Variants in PHF24 observed in about 807,000 individuals in gnomAD.
The protein encoded by PHF24 is PHD finger protein 24.
A neutral mutation model predicts 42.6 loss-of-function variants in PHF24; 25 were observed. The ratio of observed to expected loss-of-function variants is 0.59; its 90% confidence interval spans 0.43 to 0.82. The LOEUF is 0.82. Among genes scored for constraint, PHF24 ranks in the 40% least tolerant of loss-of-function variants. The pLI is 0.00. For missense variants in PHF24, 470 were observed against 538.1 expected, an observed-to-expected ratio of 0.87 and a Z score of 1.25; for synonymous variants, 185 against 204.8, an observed-to-expected ratio of 0.90 and a Z score of 0.83.
At chr9:34,970,675 G>T (rs2132896325) in intron 1 of PHF24, among the ~76,000 whole-genome samples, 1 of 152,304 alleles carries the variant, frequency 6.6e-6, no homozygotes. Flanking sequence ...CTGCCAGCTT[G>T]CTTTAAGCCT....
the PHF24 span, among the ~76,000 whole-genome samples, chr9:34,748,840 C>A: frequency 6.6e-6 from 1 of 151,944 alleles, no homozygotes; most frequent in African/African-American, 2.4e-5. Context: ...GAAAACATGA[C>A]CTCACCAAAT....
the PHF24 span, chr9:34,724,241 C>G: frequency 6.4e-7 from 1 of 1,551,542 alleles, no homozygotes; most frequent in Admixed American, 2.0e-5. Flanking sequence ...TGTCATGTCC[C>G]CACTGGGCTG....
the PHF24 span, among the ~76,000 whole-genome samples, chr9:34,696,462 T>A: frequency 1.5e-5 from 2 of 135,142 alleles, no homozygotes; most frequent in Non-Finnish European, 3.0e-5. Flanking sequence ...CACTCCAGGC[T>A]GGCGACAGAG....
the PHF24 span, chr9:34,709,219 G>A: frequency 1.3e-6 from 1 of 793,714 alleles, no homozygotes; most frequent in South Asian, 1.6e-5. Flanking sequence ...AGCCATGCAG[G>A]GTAGAGCTGG....
At chr9:34,897,157 A>AAAAC in the PHF24 span, among the ~76,000 whole-genome samples, 2 of 152,202 alleles carry the variant, frequency 1.3e-5, no homozygotes, top group Admixed American at 6.5e-5. Context: ...CTCTGCCTCA[A>AAAAC]AAACAAACAA....
the PHF24 span, among the ~76,000 whole-genome samples, chr9:34,764,794 G>C: frequency 1.3e-5 from 2 of 151,682 alleles, no homozygotes; most frequent in African/African-American, 4.9e-5. Flanking sequence ...GTGATGTTAG[G>C]GTGTCCATTT....
At chr9:34,760,097 C>T in the PHF24 span, among the ~76,000 whole-genome samples, 3 of 152,148 alleles carry the variant, frequency 2.0e-5, no homozygotes, top group Admixed American at 1.3e-4. Context: ...GAACAGCAAA[C>T]GACGGGGATG....
chr9:34,674,174 C>G, the PHF24 span, among the ~76,000 whole-genome samples: 1 of 152,222 alleles, frequency 6.6e-6, no homozygotes, highest in Non-Finnish European at 1.5e-5. Flanking sequence ...CCCTATTATA[C>G]AGATGGGAAA....
the PHF24 span, among the ~76,000 whole-genome samples, chr9:34,875,711 A>G: frequency 6.6e-6 from 1 of 152,074 alleles, no homozygotes; most frequent in African/African-American, 2.4e-5. Flanking sequence ...TATGCAGTGA[A>G]GGATTGTGTT....
At chr9:34,922,611 A>G in the PHF24 span, 1 of 986,400 alleles carries the variant, frequency 1.0e-6, no homozygotes, top group Admixed American at 1.7e-5. Context: ...GGGATCAAGA[A>G]CTTTTCCAAA....
At chr9:34,826,546 C>A in the PHF24 span, among the ~76,000 whole-genome samples, 2 of 152,230 alleles carry the variant, frequency 1.3e-5, no homozygotes, top group Non-Finnish European at 1.5e-5. Context: ...GCCTGGGCTG[C>A]AGTGAGCAGG....
chr9:34,665,779 C>T, the PHF24 span: 2 of 652,724 alleles, frequency 3.1e-6, no homozygotes, highest in South Asian at 1.6e-5. Flanking sequence ...TAATCTGAGG[C>T]TGATGCCCCC....
At chr9:34,947,778 GA>G in the PHF24 span, among the ~76,000 whole-genome samples, 1 of 152,056 alleles carries the variant, frequency 6.6e-6, no homozygotes. Flanking sequence ...TCATTTTTAA[GA>G]AAAAAGTTTA....
chr9:34,708,984 T>C, the PHF24 span: 1 of 188,260 alleles, frequency 5.3e-6, no homozygotes, highest in Non-Finnish European at 1.1e-5. Flanking sequence ...TCGGTGGACA[T>C]AAACACATGG....
chr9:34,837,493 G>A, the PHF24 span: 10 of 587,370 alleles, frequency 1.7e-5, 1 homozygote, highest in Middle Eastern at 1.4e-3. Flanking sequence ...ATTTTGGAAC[G>A]TTTCCAAGGT....
At chr9:34,931,693 C>A in the PHF24 span, among the ~76,000 whole-genome samples, 2 of 152,126 alleles carry the variant, frequency 1.3e-5, no homozygotes, top group African/African-American at 2.4e-5. Context: ...CTAAAAGCTC[C>A]CTGAGGCCTC....
At chr9:34,890,864 A>G in the PHF24 span, among the ~76,000 whole-genome samples, 15 of 152,160 alleles carry the variant, frequency 9.9e-5, no homozygotes, top group Non-Finnish European at 2.1e-4. Flanking sequence ...TACCATCTCC[A>G]TCAGCTTGTG....
At chr9:34,832,457 C>T in the PHF24 span, 1 of 1,489,976 alleles carries the variant, frequency 6.7e-7, no homozygotes, top group Admixed American at 2.1e-5. Context: ...GGCCCATCAG[C>T]TTCTGAGCAC....
At chr9:34,916,176 C>T in the PHF24 span, among the ~76,000 whole-genome samples, 1 of 152,162 alleles carries the variant, frequency 6.6e-6, no homozygotes. Flanking sequence ...CGAACTAATA[C>T]AATCCTCTAT....
Sources: allele counts gnomAD v4.1 joint callset (sites outside exome capture counted in the v4.1 genomes callset), GRCh38; gene constraint gnomAD v4.1.1; transcripts MANE v1.5; gene names NCBI Gene and HGNC (gene_info 2026-07-23, HGNC 2026-07-21).